SLC5A4: variants seen among roughly 807,000 people sequenced by gnomAD.
The protein encoded by SLC5A4 is solute carrier family 5 member 4.
SLC5A4 carries 55 observed loss-of-function variants against 70.3 expected under a neutral mutation model. That is an observed-to-expected ratio of 0.78 (90% CI 0.63 to 0.98). The LOEUF is 0.98. Among genes scored for constraint, SLC5A4 ranks in the 50% least tolerant of loss-of-function variants. SLC5A4 has a pLI of 0.00. For missense variants in SLC5A4, 735 were observed against 839.2 expected (o/e 0.88, Z 1.53); for synonymous variants, 268 against 305.7 (o/e 0.88, Z 1.29).
chr22:32,297,152 A>C, the SLC5A4 span, among the ~76,000 whole-genome samples: 1 of 152,052 alleles, frequency 6.6e-6, no homozygotes, highest in African/African-American at 2.4e-5. Context: ...TTGGTATCAG[A>C]TGATGCTGGC....
intron 13 of SLC5A4, among the ~76,000 whole-genome samples, chr22:32,223,751 A>G (rs1925221449): frequency 6.6e-6 from 1 of 152,080 alleles, no homozygotes; most frequent in South Asian, 2.1e-4. Flanking sequence ...ACAAAATATA[A>G]TGTCCATTTT....
At chr22:32,331,694 T>TGGGGACGTGGGCATGGGAAGCA in the SLC5A4 span, among the ~76,000 whole-genome samples, 6 of 152,122 alleles carry the variant, frequency 3.9e-5, no homozygotes, top group South Asian at 1.3e-3. Context: ...GTACCTGGGA[T>TGGGGACGTGGGCATGGGAAGCA]GGGGACGTGG....
the SLC5A4 span, among the ~76,000 whole-genome samples, chr22:32,307,804 G>T: frequency 7.9e-5 from 12 of 152,236 alleles, no homozygotes; most frequent in Admixed American, 1.3e-4. Flanking sequence ...GGACTGCAAA[G>T]GGCAGTGATT....
At chr22:32,316,003 C>T in the SLC5A4 span, among the ~76,000 whole-genome samples, 1 of 149,652 alleles carries the variant, frequency 6.7e-6, no homozygotes, top group African/African-American at 2.5e-5. Flanking sequence ...CCCGTCTCTA[C>T]TAAAAATACA....
chr22:32,294,817 C>T, the SLC5A4 span, among the ~76,000 whole-genome samples: 2 of 95,152 alleles, frequency 2.1e-5, no homozygotes, highest in Non-Finnish European at 4.4e-5. Flanking sequence ...CTCCCCCCTC[C>T]CCCAACCCCA....
the SLC5A4 span, among the ~76,000 whole-genome samples, chr22:32,305,240 T>G: frequency 1.9e-4 from 29 of 152,048 alleles, no homozygotes; most frequent in Non-Finnish European, 4.3e-4. Flanking sequence ...TCAGATGTGA[T>G]TTTATGTATT....
intron 2 of SLC5A4, among the ~76,000 whole-genome samples, chr22:32,252,156 G>A (rs2145703743): frequency 6.6e-6 from 1 of 152,042 alleles, no homozygotes; most frequent in South Asian, 2.1e-4. Flanking sequence ...CATGAACCCA[G>A]GGGGTGGAGC....
the SLC5A4 span, among the ~76,000 whole-genome samples, chr22:32,321,200 T>G: frequency 6.6e-6 from 1 of 152,160 alleles, no homozygotes; most frequent in Non-Finnish European, 1.5e-5. Context: ...GCAGAAGAAC[T>G]GCTTGAACCC....
the SLC5A4 span, among the ~76,000 whole-genome samples, chr22:32,278,803 A>G: frequency 3.3e-5 from 5 of 152,244 alleles, no homozygotes; most frequent in South Asian, 2.1e-4. Flanking sequence ...AGAAAAGAGA[A>G]AGACAGTAAG....
At chr22:32,322,306 C>T in the SLC5A4 span, among the ~76,000 whole-genome samples, 1 of 152,144 alleles carries the variant, frequency 6.6e-6, no homozygotes, top group African/African-American at 2.4e-5. Context: ...TGGCCAGAAG[C>T]AGGCCAGGGG....
chr22:32,329,688 TGTGTGTGTTGGGGGCTCTG>T, the SLC5A4 span, among the ~76,000 whole-genome samples: 9 of 33,736 alleles, frequency 2.7e-4, 1 homozygote, highest in South Asian at 2.0e-3. Context: ...GGCTCTGGTG[TGTGTGTGTTGGGGGCTCTG>T]GTGTGTGTTG....
the SLC5A4 span, among the ~76,000 whole-genome samples, chr22:32,264,210 G>A: frequency 4.0e-5 from 6 of 151,278 alleles, no homozygotes; most frequent in Non-Finnish European, 8.8e-5. Flanking sequence ...AAAAAAAAAA[G>A]AAATTGTCGT....
the SLC5A4 span, among the ~76,000 whole-genome samples, chr22:32,347,073 A>T: frequency 1.3e-5 from 2 of 152,262 alleles, no homozygotes; most frequent in African/African-American, 4.8e-5. Context: ...TCAAAAGAAG[A>T]CGTTTATGCA....
At chr22:32,329,154 G>T in the SLC5A4 span, among the ~76,000 whole-genome samples, 2 of 152,220 alleles carry the variant, frequency 1.3e-5, no homozygotes, top group Non-Finnish European at 2.9e-5. Flanking sequence ...TGCTTCAGGG[G>T]AGAGTTGTTG....
upstream of SLC5A4, among the ~76,000 whole-genome samples, chr22:32,258,496 A>G (rs1927597870): frequency 6.6e-6 from 1 of 152,194 alleles, no homozygotes; most frequent in East Asian, 1.9e-4. Context: ...GTTCAACGTC[A>G]CTAATCGTCG....
At chr22:32,260,493 C>T in the SLC5A4 span, among the ~76,000 whole-genome samples, 1 of 150,200 alleles carries the variant, frequency 6.7e-6, no homozygotes, top group African/African-American at 2.5e-5. Flanking sequence ...ACCAACCCAG[C>T]TGCCATTTTG....
chr22:32,228,197 C>T (rs995772163), intron 11 of SLC5A4, among the ~76,000 whole-genome samples: 1 of 152,086 alleles, frequency 6.6e-6, no homozygotes, highest in African/African-American at 2.4e-5. Flanking sequence ...CATGTTTTAA[C>T]TGTTTTCTTT....
the SLC5A4 span, among the ~76,000 whole-genome samples, chr22:32,331,087 GGTGTGTGTGTGTTGGAGGCTCTT>G: frequency 8.5e-6 from 1 of 117,074 alleles, no homozygotes; most frequent in Non-Finnish European, 1.8e-5. Context: ...TGAAGGCTCT[GGTGTGTGTGTGTTGGAGGCTCTT>G]GTGTGTGTTC....
chr22:32,266,157 G>T, the SLC5A4 span, among the ~76,000 whole-genome samples: 1 of 152,174 alleles, frequency 6.6e-6, no homozygotes, highest in Non-Finnish European at 1.5e-5. Flanking sequence ...ATTTAAACTA[G>T]TATAATTTAT....
Sources: allele counts gnomAD v4.1 joint callset (sites outside exome capture counted in the v4.1 genomes callset), GRCh38; gene constraint gnomAD v4.1.1; transcripts MANE v1.5; gene names NCBI Gene and HGNC (gene_info 2026-07-23, HGNC 2026-07-21).